The following SFRP1 variants were observed in gnomAD, a reference collection of about 807,000 sequenced individuals.
The protein encoded by SFRP1 is secreted frizzled-related protein 1.
SFRP1 carries 9 observed loss-of-function variants against 25.9 expected under a neutral mutation model. The ratio of observed to expected loss-of-function variants is 0.35; its 90% CI spans 0.21 to 0.61. The LOEUF is 0.61. Ranked by LOEUF, SFRP1 falls within the 20% of genes least tolerant of loss-of-function variation. The pLI is 0.78. For missense variants in SFRP1, 346 were observed against 418.2 expected, an observed-to-expected ratio of 0.83 and a Z score of 1.51; for synonymous variants, 178 against 174.0, an observed-to-expected ratio of 1.02 and a Z score of -0.18.
chr8:41,270,215 G>A (rs1338772547), intron 2 of SFRP1, among the ~76,000 whole-genome samples: 1 of 152,216 alleles, frequency 6.6e-6, no homozygotes, highest in African/African-American at 2.4e-5. Context: ...AGGAGCACTT[G>A]CAGGCACGCT....
At chr8:41,293,096 GACA>G (rs1367323996) in intron 2 of SFRP1, among the ~76,000 whole-genome samples, 2 of 152,210 alleles carry the variant, frequency 1.3e-5, no homozygotes, top group African/African-American at 4.8e-5. Flanking sequence ...GCCCAGGGCT[GACA>G]ACAAGTACTT....
In SFRP1 at chr8:41,275,890, G is replaced by A. The variant is rs184250498; in HGVS notation, c.623-10401C>T. On this transcript the variant is annotated intron_variant, in intron 2 of 2. Transcript: ENST00000220772. ...GCCTCCTGAGGAGCTGTGACTACAA[G>A]CATTCAGCATCACATTTGGCTGATT... 1.3e-5 allele frequency among the ~76,000 whole-genome samples: 2 copies of A among 152,290 alleles called. 1 individual carries two copies. The highest frequency in any genetic ancestry group is 2.9e-5 in the Non-Finnish European group (2 of 68,032).
chr8:41,269,654 C>A (rs906977240), intron 2 of SFRP1, among the ~76,000 whole-genome samples: 2 of 152,156 alleles, frequency 1.3e-5, no homozygotes, highest in Non-Finnish European at 2.9e-5. Flanking sequence ...ATGAGTGGTG[C>A]CTCCAACCCT....
At chr8:41,288,410 C>T (rs1803733962) in intron 2 of SFRP1, among the ~76,000 whole-genome samples, 1 of 151,560 alleles carries the variant, frequency 6.6e-6, no homozygotes, top group Non-Finnish European at 1.5e-5. Flanking sequence ...TGATGCTATG[C>T]ACCTGCAGTC....
intron 2 of SFRP1, among the ~76,000 whole-genome samples, chr8:41,287,380 G>A (rs941379522): frequency 2.0e-5 from 3 of 152,230 alleles, no homozygotes; most frequent in Non-Finnish European, 2.9e-5. Flanking sequence ...TGGCCGAAGC[G>A]ATGCTGAGCG....
At chr8:41,286,572 G>C (rs1456857684) in intron 2 of SFRP1, among the ~76,000 whole-genome samples, 1 of 152,100 alleles carries the variant, frequency 6.6e-6, no homozygotes, top group Non-Finnish European at 1.5e-5. Context: ...GCCAACTGCA[G>C]GTCCGTTCCC....
At chr8:41,270,536 GC>G (rs1271423218) in intron 2 of SFRP1, among the ~76,000 whole-genome samples, 1 of 152,052 alleles carries the variant, frequency 6.6e-6, no homozygotes, top group African/African-American at 2.4e-5. Context: ...CCTGATTGGG[GC>G]CCCCGGACAC....
rs752571693 is a variant in SFRP1 at position 41,306,783 on chromosome 8, C to A, written c.544+1833G>T. The A allele has an allele frequency of 1.9e-6, 3 of 1,597,908 alleles. No homozygotes were observed. The African/African-American group carries it at 4.0e-5, about 21-fold the overall frequency. On this transcript the variant is annotated intron_variant, in intron 1 of 2. Transcript: ENST00000220772. ...CGGTTCCAAGCCAGGCTGAGAAGGGCGCCGACCAGTGGAACTGCAGCCAAG... is the reference window on the plus strand; with the variant it reads ...CGGTTCCAAGCCAGGCTGAGAAGGGAGCCGACCAGTGGAACTGCAGCCAAG...
chr8:41,288,228 C>T (rs111655136), intron 2 of SFRP1, among the ~76,000 whole-genome samples: 12 of 151,796 alleles, frequency 7.9e-5, no homozygotes, highest in Admixed American at 5.9e-4. Flanking sequence ...TGTTGTGGGA[C>T]GTGCCTGTAA....
intron 2 of SFRP1, among the ~76,000 whole-genome samples, chr8:41,294,920 T>C (rs770464961): frequency 5.4e-4 from 82 of 152,286 alleles, no homozygotes; most frequent in Admixed American, 2.0e-3. Flanking sequence ...GCATGAGTTA[T>C]GGGAGCTACC....
chr8:41,284,901 T>C (rs75228455), intron 2 of SFRP1, among the ~76,000 whole-genome samples: 2 of 152,212 alleles, frequency 1.3e-5, no homozygotes, highest in African/African-American at 4.8e-5. Context: ...CAGTGACTCA[T>C]TGAGTTCACT....
At chr8:41,294,791 A>G (rs1325774108) in intron 2 of SFRP1, among the ~76,000 whole-genome samples, 1 of 151,292 alleles carries the variant, frequency 6.6e-6, no homozygotes, top group Non-Finnish European at 1.5e-5. Flanking sequence ...AGCTCTGCAC[A>G]TGCACCGAGA....
rs566026039 is a variant in SFRP1 at position 41,287,344 on chromosome 8, C to A, written c.622+16117G>T. 8.5e-5 allele frequency among the ~76,000 whole-genome samples: 13 copies of A among 152,368 alleles called. No individual in the cohort carries two copies. The East Asian group carries it at 2.5e-3, about 29-fold the overall frequency. On this transcript the variant is annotated intron_variant, in intron 2 of 2. Transcript: ENST00000220772. ...TTCTCTCACCTCACAGCTCCTCTTA[C>A]ACAAAATCTCTGCCATCGGCCACCA... is the stretch of plus-strand genomic sequence containing the variant.
intron 2 of SFRP1, among the ~76,000 whole-genome samples, chr8:41,266,061 G>T (rs1305433658): frequency 6.6e-6 from 1 of 151,958 alleles, no homozygotes. Context: ...AGCTACTAAG[G>T]AGGCTGAGGC....
Position 41,303,496 on chromosome 8 carries a change from T to C in SFRP1, c.587A>G (p.Glu196Gly), listed in dbSNP as rs758844432. 1 of 1,613,840 alleles carries C rather than the reference T, an allele frequency of 6.2e-7. No individual in the cohort carries two copies. ...CPPCDNELKS[E>G]AIIEHLCASE... ...GGCACAGAGATGTTCAATGATGGCC[T>C]CAGATTTCAACTCGTTGTCACAGGG... is the stretch of plus-strand genomic sequence containing the variant. Residue 196 changes from glutamate to glycine, a missense_variant, in exon 2 of 3, where the codon GAG (glutamate) becomes GGG (glycine). Physicochemically the swap from Glu to Gly is moderately conservative, Grantham distance 98 (BLOSUM62 -2). Coordinates refer to ENST00000220772, the MANE Select transcript of SFRP1 (RefSeq NM_003012.5).
intron 2 of SFRP1, among the ~76,000 whole-genome samples, chr8:41,285,494 C>T (rs1054488657): frequency 2.6e-5 from 4 of 152,228 alleles, no homozygotes; most frequent in African/African-American, 9.6e-5. Flanking sequence ...GAGAACTAAG[C>T]CCCACTCCAG....
intron 2 of SFRP1, among the ~76,000 whole-genome samples, chr8:41,302,726 T>G (rs1803939301): frequency 6.6e-6 from 1 of 152,194 alleles, no homozygotes; most frequent in African/African-American, 2.4e-5. Flanking sequence ...TCAGGTATTC[T>G]GCAGGTCAGA....
At chr8:41,287,852 A>G (rs140345923) in intron 2 of SFRP1, among the ~76,000 whole-genome samples, 51 of 152,330 alleles carry the variant, frequency 3.3e-4, no homozygotes, top group African/African-American at 1.2e-3. Flanking sequence ...GACAGCCTCC[A>G]CATAAACAGG....
intron 2 of SFRP1, among the ~76,000 whole-genome samples, chr8:41,277,676 T>C (rs1803587687): frequency 6.6e-6 from 1 of 152,190 alleles, no homozygotes; most frequent in South Asian, 2.1e-4. Flanking sequence ...AGTACAGTGG[T>C]GCAATCACAG....
Sources: allele counts gnomAD v4.1 joint callset (sites outside exome capture counted in the v4.1 genomes callset), GRCh38; gene constraint gnomAD v4.1.1; transcripts MANE v1.5; gene names NCBI Gene and HGNC (gene_info 2026-07-23, HGNC 2026-07-21).